Variants in SLC6A3 observed in about 807,000 individuals in gnomAD.
SLC6A3 encodes the protein sodium-dependent dopamine transporter.
In SLC6A3, 19 loss-of-function variants were observed where a neutral mutation model predicts 70.4. The ratio of observed to expected loss-of-function variants is 0.27; its 90% CI spans 0.19 to 0.40. SLC6A3 has a LOEUF of 0.40. Ranked by LOEUF, SLC6A3 falls within the 10% of genes least tolerant of loss-of-function variation. The probability of loss-of-function intolerance (pLI) is 1.00; values close to 1 mark genes in which losing one functional copy is unlikely to be tolerated. For synonymous variants in SLC6A3, 368 were observed against 356.6 expected, an observed-to-expected ratio of 1.03 and a Z score of -0.36; for missense variants, 613 against 838.5, an observed-to-expected ratio of 0.73 and a Z score of 3.32.
rs141189133 is a variant in SLC6A3 at position 1,402,770 on chromosome 5, G to GCA, written c.1767+150_1767+151dup. The GCA allele has an allele frequency of 2.0e-4, 148 of 733,150 alleles. No homozygotes were observed. Among genetic ancestry groups the GCA allele is most frequent in the Non-Finnish European group, 2.7e-4 (114 of 425,048 alleles). 45.4% of individuals were successfully genotyped at this position (733,150 alleles called of 1,614,324 possible). On this transcript the variant is annotated intron_variant, in intron 13 of 14. Coordinates refer to ENST00000270349, the MANE Select transcript of SLC6A3 (RefSeq NM_001044.5). The surrounding 1 kb of genome is among the most constrained non-coding windows in gnomAD (Gnocchi z 8.5). ...CGGGCGTGCAGGTGGACACACACAC[G>GCA]CACACACACACACAGTGTTGTGGTG...
chr5:1,443,294 G>C lies in SLC6A3; in HGVS notation c.-45-52C>G. ...ACAACAGGAACGCAACAATTCAGCA[G>C]CCAGGGCTAGGGACATACCTGGTGC... On this transcript the variant is annotated intron_variant, in intron 1 of 14. Transcript: ENST00000270349. 5 of 1,402,120 alleles carry C rather than the reference G, an allele frequency of 3.6e-6. 1 individual carries two copies. Among genetic ancestry groups the C allele is most frequent in the Non-Finnish European group, 5.0e-6 (5 of 998,048 alleles). The allele number at this position is 1,402,120 out of a possible 1,614,324, so 86.9% of individuals were successfully genotyped here.
In SLC6A3 at chr5:1,437,144, G is replaced by A. The variant is rs564745506; in HGVS notation, c.418+4215C>T. Among the ~76,000 whole-genome samples, 4 of 152,092 alleles carry A rather than the reference G, an allele frequency of 2.6e-5. No individual in the cohort carries two copies. Among genetic ancestry groups the A allele is most frequent in the African/African-American group, 7.2e-5 (3 of 41,504 alleles). On this transcript the variant is annotated intron_variant, in intron 3 of 14. Coordinates refer to ENST00000270349, the MANE Select transcript of SLC6A3 (RefSeq NM_001044.5). The surrounding 1 kb of genome is among the most constrained non-coding windows in gnomAD (Gnocchi z 4.8). ...CACGCACCTGTAGCCCCAGCTACTC[G>A]GGAGGCTGGGGCAGGAGAATCGCTT...
chr5:1,406,372 C>G lies in SLC6A3; in HGVS notation c.1499-84G>C. On this transcript the variant is annotated intron_variant, in intron 11 of 14. Coordinates refer to ENST00000270349, the MANE Select transcript of SLC6A3 (RefSeq NM_001044.5). The surrounding 1 kb of genome is among the most constrained non-coding windows in gnomAD (Gnocchi z 8.8). The stretch of plus-strand genomic sequence containing the variant: ...ACACGTGTGGGGGTCCTCGCTGACT[C>G]CCAAGGGCCCCACCTACCGGCCCCA... The G allele has an allele frequency of 8.6e-7, 1 of 1,165,102 alleles. No individual in the cohort carries two copies. Among genetic ancestry groups the G allele is most frequent in the Non-Finnish European group, 1.3e-6 (1 of 773,244 alleles). 72.2% of individuals were successfully genotyped at this position (1,165,102 alleles called of 1,614,324 possible).
chr5:1,443,923 C>G (rs1261159786), intron 1 of SLC6A3, among the ~76,000 whole-genome samples: 2 of 152,090 alleles, frequency 1.3e-5, no homozygotes, highest in African/African-American at 4.8e-5. Context: ...GTTTTGAACT[C>G]CTGGTCTCAA....
chr5:1,411,117 A>T lies in SLC6A3; in HGVS notation c.1269+126T>A. The T allele has an allele frequency of 1.4e-6, 1 of 720,056 alleles. No individual in the cohort carries two copies. Among genetic ancestry groups the T allele is most frequent in the Non-Finnish European group, 2.5e-6 (1 of 401,170 alleles). 44.6% of individuals were successfully genotyped at this position (720,056 alleles called of 1,614,324 possible). A position where few individuals can be genotyped will look rare whatever the true frequency, so the allele number is the denominator to read the frequency against. On this transcript the variant is annotated intron_variant, in intron 9 of 14. Transcript: ENST00000270349. This position sits in a 1 kb window ranked among gnomAD's most constrained non-coding sequence, Gnocchi z 6.5. ...AATAATCACGGGGCTCGCCCAAGTC[A>T]AGGACAGGAGGTCTGGGGGCCGTAC...
chr5:1,440,848 T>G (rs1733635378), intron 3 of SLC6A3, among the ~76,000 whole-genome samples: 1 of 152,170 alleles, frequency 6.6e-6, no homozygotes, highest in East Asian at 1.9e-4. Context: ...TCCAGAGCTG[T>G]GAGACAATAA....
chr5:1,401,972 A>T lies in SLC6A3; in HGVS notation c.1767+950T>A, dbSNP rs1047474395. Among the ~76,000 whole-genome samples the T allele has an allele frequency of 1.1e-4, 17 of 152,200 alleles. No homozygotes were observed. Among genetic ancestry groups the T allele is most frequent in the Middle Eastern group, 3.4e-3 (1 of 294 alleles). ...ACTCCACAGAAGCCCCCAGCCACAC[A>T]CTGTGCTTTGCCTGCACTGGGCCTT... On this transcript the variant is annotated intron_variant, in intron 13 of 14. Coordinates refer to ENST00000270349, the MANE Select transcript of SLC6A3 (RefSeq NM_001044.5). This position sits in a 1 kb window ranked among gnomAD's most constrained non-coding sequence, Gnocchi z 6.1.
intron 1 of SLC6A3, among the ~76,000 whole-genome samples, chr5:1,444,664 G>A (rs1733755730): frequency 6.6e-6 from 1 of 152,256 alleles, no homozygotes; most frequent in Admixed American, 6.5e-5. Context: ...AGGAGGCCGC[G>A]TTGGGAGAGG....
intron 6 of SLC6A3, 188 bp from the exon 7 acceptor site, chr5:1,416,389 G>A (rs569797236): frequency 6.9e-5 from 44 of 636,440 alleles, no homozygotes; most frequent in African/African-American, 4.5e-4. Context: ...CCGGGCCAGC[G>A]GCCTGGAAGA....
intron 2 of SLC6A3, 86 bp from the exon 3 acceptor site, chr5:1,441,576 C>T (rs1733670394): frequency 4.7e-6 from 7 of 1,486,966 alleles, no homozygotes; most frequent in Non-Finnish European, 6.4e-6. Context: ...CCCCAGTCAA[C>T]CATCCATGTC....
intron 11 of SLC6A3, among the ~76,000 whole-genome samples, chr5:1,407,215 G>A (rs548159885): frequency 2.0e-5 from 3 of 152,182 alleles, no homozygotes; most frequent in Non-Finnish European, 4.4e-5. Flanking sequence ...GTGTGACCGC[G>A]GCTGATCTGC....
chr5:1,431,085 A>G (rs1014049226), intron 4 of SLC6A3, among the ~76,000 whole-genome samples: 3 of 152,214 alleles, frequency 2.0e-5, no homozygotes, highest in Non-Finnish European at 1.5e-5. Context: ...TCCTCTCCAA[A>G]ATGACGGCTG....
rs373210944 is a variant in SLC6A3, at chr5:1,442,378, G to T, written c.286+534C>A. On this transcript the variant is annotated intron_variant, in intron 2 of 14. Transcript: ENST00000270349. This position sits in a 1 kb window ranked among gnomAD's most constrained non-coding sequence, Gnocchi z 5.0. ...CAGGGAGGCTGGGAGGCCCAAAGAG[G>T]CTCCTGGGAAGGGATCACCAATGTT... 3.9e-5 allele frequency among the ~76,000 whole-genome samples: 6 copies of T among 152,136 alleles called. No individual in the cohort carries two copies. The highest frequency in any genetic ancestry group is 1.2e-4 in the African/African-American group (5 of 41,418).
In SLC6A3 at chr5:1,426,366, C is replaced by A. The variant is rs1232737302; in HGVS notation, c.654-4352G>T. 2.0e-5 allele frequency among the ~76,000 whole-genome samples: 3 copies of A among 151,978 alleles called. No individual in the cohort carries two copies. In the East Asian group the frequency reaches 5.8e-4, roughly 29 times the overall value. ...CAGGCCTGGGCAACATGGCAAGACCCCACTTTACAAAAAATTTTAAAAAAT... is the reference window on the plus strand; with the variant it reads ...CAGGCCTGGGCAACATGGCAAGACCACACTTTACAAAAAATTTTAAAAAAT... On this transcript the variant is annotated intron_variant, in intron 4 of 14. Coordinates refer to ENST00000270349, the MANE Select transcript of SLC6A3 (RefSeq NM_001044.5).
chr5:1,394,541 C>T lies in SLC6A3; in HGVS notation c.*194G>A, dbSNP rs540148040. 8.6e-5 allele frequency: 59 copies of T among 689,954 alleles called. No individual in the cohort carries two copies. Among genetic ancestry groups the T allele is most frequent in the Non-Finnish European group, 1.3e-4 (49 of 378,382 alleles). 42.7% of individuals were successfully genotyped at this position (689,954 alleles called of 1,614,324 possible). Reference sequence around the variant, plus strand: ...GTCGTTATTACAGCAACACAAGACACGGCGAGGTGCGCTCCCGGCACGGAA... The same window carrying T: ...GTCGTTATTACAGCAACACAAGACATGGCGAGGTGCGCTCCCGGCACGGAA... On this transcript the variant is annotated 3_prime_UTR_variant, in exon 15 of 15. Transcript: ENST00000270349. This position sits in a 1 kb window ranked among gnomAD's most constrained non-coding sequence, Gnocchi z 4.7.
chr5:1,424,491 C>T (rs955771483), intron 4 of SLC6A3, among the ~76,000 whole-genome samples: 8 of 152,232 alleles, frequency 5.3e-5, no homozygotes, highest in Non-Finnish European at 1.0e-4. Context: ...CTGACCCCAG[C>T]ATGCCACCCG....
At position 1,438,372 on chromosome 5, in the gene SLC6A3, G is replaced by T. The variant is rs937555637; in HGVS notation, c.418+2987C>A. 5.3e-5 allele frequency among the ~76,000 whole-genome samples: 8 copies of T among 152,178 alleles called. No homozygotes were observed. The highest frequency in any genetic ancestry group is 1.9e-4 in the African/African-American group (8 of 41,450). ...TGGGCACAGGGTCTGTGACACAGAG[G>T]AGACGACTGCCCAGCTTACCCCGGC... On this transcript the variant is annotated intron_variant, in intron 3 of 14. Transcript: ENST00000270349. This position sits in a 1 kb window ranked among gnomAD's most constrained non-coding sequence, Gnocchi z 6.5.
intron 1 of SLC6A3, among the ~76,000 whole-genome samples, chr5:1,444,141 A>G (rs1447967047): frequency 6.6e-6 from 1 of 152,118 alleles, no homozygotes; most frequent in African/African-American, 2.4e-5. Context: ...AGGTGGCACC[A>G]CCCCGCGTGA....
intron 3 of SLC6A3, among the ~76,000 whole-genome samples, chr5:1,434,354 C>T (rs1301527409): frequency 6.6e-6 from 1 of 152,218 alleles, no homozygotes; most frequent in Admixed American, 6.5e-5. Flanking sequence ...AAGGACCAGC[C>T]AGGGCCATCC....
Sources: allele counts gnomAD v4.1 joint callset (sites outside exome capture counted in the v4.1 genomes callset), GRCh38; gene constraint gnomAD v4.1.1; non-coding constraint Gnocchi (gnomAD v3.1); transcripts MANE v1.5; gene names NCBI Gene and HGNC (gene_info 2026-07-23, HGNC 2026-07-21).